Variants in SLC17A8 observed in about 807,000 individuals in gnomAD.
SLC17A8 encodes vesicular glutamate transporter 3.
SLC17A8 carries 31 observed loss-of-function variants against 58.0 expected under a neutral mutation model. The observed-to-expected ratio is 0.53, with a 90% CI of 0.40 to 0.72. The LOEUF (loss-of-function observed/expected upper bound fraction) is 0.72, where lower values mean the gene tolerates loss of function less well. Among genes scored for constraint, SLC17A8 ranks in the 30% least tolerant of loss-of-function variants. The pLI is 0.00. For missense variants in SLC17A8, 655 were observed against 727.8 expected, an observed-to-expected ratio of 0.90 and a Z score of 1.15; for synonymous variants, 228 against 249.0, an observed-to-expected ratio of 0.92 and a Z score of 0.79.
At position 100,357,162 on chromosome 12, in the gene SLC17A8, C is replaced by G; in HGVS notation, c.-230C>G. The stretch of plus-strand genomic sequence containing the variant: ...GGGACTGAATTCCCAGCCAGACACC[C>G]CTTGGACTCTTTTTTGGAGGGGTGG... On this transcript the variant is annotated 5_prime_UTR_variant, in exon 1 of 12. Transcript: ENST00000323346. 1 of 495,950 alleles carries G rather than the reference C, an allele frequency of 2.0e-6. No homozygotes were observed. Among genetic ancestry groups the G allele is most frequent in the African/African-American group, 1.9e-5 (1 of 51,290 alleles). 30.7% of individuals were successfully genotyped at this position (495,950 alleles called of 1,614,324 possible).
intron 1 of SLC17A8, among the ~76,000 whole-genome samples, chr12:100,377,778 G>A (rs955451928): frequency 4.0e-5 from 6 of 151,762 alleles, no homozygotes; most frequent in African/African-American, 1.5e-4. Flanking sequence ...TAGTAGAGAC[G>A]GAGTTTGCCA....
At chr12:100,413,363 A>G (rs1952884080) in intron 10 of SLC17A8, among the ~76,000 whole-genome samples, 1 of 152,192 alleles carries the variant, frequency 6.6e-6, no homozygotes, top group South Asian at 2.1e-4. Flanking sequence ...CAAACAAGAA[A>G]ATGCGGGTCC....
intron 10 of SLC17A8, among the ~76,000 whole-genome samples, chr12:100,414,101 T>C (rs992387139): frequency 6.6e-6 from 1 of 152,246 alleles, no homozygotes; most frequent in Non-Finnish European, 1.5e-5. Flanking sequence ...TACTGGGTTT[T>C]TCACTATTTT....
At position 100,391,042 on chromosome 12, in the gene SLC17A8, C is replaced by G; in HGVS notation, c.396C>G (p.Ile132Met). The change falls in exon 3 of 12, where the codon ATC (isoleucine) becomes ATG (methionine). Residue 132 changes from isoleucine (I) to methionine (M), a missense_variant. By Grantham distance (10) the Ile-to-Met change is conservative. Coordinates refer to ENST00000323346, the MANE Select transcript of SLC17A8 (RefSeq NM_139319.3). ...FNWDPETVGL[I>M]HGSFFWGYIM... ...GGGATCCAGAAACAGTGGGCCTTAT[C>G]CATGGATCTTTTTTCTGGGGCTATA... is the stretch of plus-strand genomic sequence containing the variant. 1 of 1,613,854 alleles carries G rather than the reference C, an allele frequency of 6.2e-7. No individual in the cohort carries two copies. Among genetic ancestry groups the G allele is most frequent in the South Asian group, 1.1e-5 (1 of 91,084 alleles).
At chr12:100,401,217 T>C (rs1421171511) in intron 5 of SLC17A8, among the ~76,000 whole-genome samples, 1 of 151,968 alleles carries the variant, frequency 6.6e-6, no homozygotes, top group Non-Finnish European at 1.5e-5. Flanking sequence ...CAGGCTGGTC[T>C]TGAACTCCTG....
chr12:100,358,855 C>A (rs927216471), intron 1 of SLC17A8, among the ~76,000 whole-genome samples: 9 of 152,118 alleles, frequency 5.9e-5, no homozygotes, highest in Non-Finnish European at 7.4e-5. Flanking sequence ...AGAATAAAAA[C>A]CATAGGCCGG....
chr12:100,367,688 C>G (rs1213314015), intron 1 of SLC17A8, among the ~76,000 whole-genome samples: 3 of 152,042 alleles, frequency 2.0e-5, no homozygotes, highest in African/African-American at 7.2e-5. Flanking sequence ...GTAGCTGAGA[C>G]TACAGTTGCG....
chr12:100,419,925 A>G lies in SLC17A8; in HGVS notation c.1536A>G (p.Pro512=), dbSNP rs1283217336. The change falls in exon 12 of 12, where the codon CCA becomes CCG. Residue 512 remains proline, a synonymous_variant. Transcript: ENST00000323346. ...GGGAGAAACAGGAGTGGGCTGACCC[A>G]GAGAATCTCTCTGAGGAGAAATGTG... The part of the protein sequence containing the change: ...ASGEKQEWAD[P]ENLSEEKCGI... The G allele has an allele frequency of 6.2e-7, 1 of 1,614,060 alleles. No individual in the cohort carries two copies. The highest frequency in any genetic ancestry group is 8.5e-7 in the Non-Finnish European group (1 of 1,180,056).
At chr12:100,387,407 A>C (rs1038698405) in intron 2 of SLC17A8, among the ~76,000 whole-genome samples, 2 of 152,186 alleles carry the variant, frequency 1.3e-5, no homozygotes, top group African/African-American at 4.8e-5. Flanking sequence ...TCTTTGGAGA[A>C]ATGTCTATTC....
At chr12:100,367,438 T>C (rs1952527269) in intron 1 of SLC17A8, among the ~76,000 whole-genome samples, 1 of 152,170 alleles carries the variant, frequency 6.6e-6, no homozygotes, top group African/African-American at 2.4e-5. Context: ...GTAAATTAGG[T>C]TTATATAACA....
chr12:100,412,741 T>C (rs1187401235), intron 9 of SLC17A8, 29 bp from the exon 10 acceptor site: 3 of 1,479,158 alleles, frequency 2.0e-6, no homozygotes, highest in Non-Finnish European at 2.8e-6. Flanking sequence ...GAAAATGACA[T>C]TTTTTTCCCT....
At chr12:100,405,934 C>T (rs1031403033) in intron 9 of SLC17A8, among the ~76,000 whole-genome samples, 5 of 152,082 alleles carry the variant, frequency 3.3e-5, no homozygotes, top group Non-Finnish European at 5.9e-5. Context: ...ACCACTTGAG[C>T]TCAGGAGTTC....
At chr12:100,366,219 G>C (rs1592986976) in intron 1 of SLC17A8, among the ~76,000 whole-genome samples, 3 of 152,250 alleles carry the variant, frequency 2.0e-5, no homozygotes, top group South Asian at 2.1e-4. Flanking sequence ...AGGGATGACA[G>C]TTTTAAGGAC....
At chr12:100,407,858 G>A (rs758228716) in intron 9 of SLC17A8, among the ~76,000 whole-genome samples, 47 of 152,054 alleles carry the variant, frequency 3.1e-4, no homozygotes, top group Non-Finnish European at 5.7e-4. Context: ...CACCCACCTC[G>A]GCCTCCCAAA....
At chr12:100,400,328 AGT>A (rs891716893) in intron 5 of SLC17A8, among the ~76,000 whole-genome samples, 1 of 151,926 alleles carries the variant, frequency 6.6e-6, no homozygotes, top group Non-Finnish European at 1.5e-5. Flanking sequence ...TTGTTTTTTG[AGT>A]GTGTTGTCAT....
chr12:100,370,978 G>A (rs1246239965), intron 1 of SLC17A8, among the ~76,000 whole-genome samples: 6 of 152,206 alleles, frequency 3.9e-5, no homozygotes, highest in East Asian at 3.9e-4. Flanking sequence ...AAAAATGAGA[G>A]ACATAGATAC....
chr12:100,414,292 G>A (rs2136015874), intron 10 of SLC17A8, among the ~76,000 whole-genome samples: 1 of 152,276 alleles, frequency 6.6e-6, no homozygotes, highest in Admixed American at 6.5e-5. Flanking sequence ...GGTCTAAACT[G>A]CCCTAAGACA....
In SLC17A8 at chr12:100,380,259, C is replaced by G. The variant is rs183703745; in HGVS notation, c.102-442C>G. Among the ~76,000 whole-genome samples, 610 of 150,418 alleles carry G rather than the reference C, an allele frequency of 4.1e-3. 7 individuals carry two copies. The highest frequency in any genetic ancestry group is 7.4e-3 in the Non-Finnish European group (505 of 67,808). On this transcript the variant is annotated intron_variant, in intron 1 of 11. Transcript: ENST00000323346. ...TTAAGGTCAACTGTATCAGCTGGGT[C>G]GAGCAATGTGAACAAAGTCTGTCAA... is the stretch of plus-strand genomic sequence containing the variant.
At chr12:100,419,685 C>G in intron 11 of SLC17A8, 130 bp from the exon 12 acceptor site, 2 of 832,804 alleles carry the variant, frequency 2.4e-6, no homozygotes, top group Non-Finnish European at 3.8e-6. Flanking sequence ...CACGTCCTCC[C>G]GCCCAAGGAG....
Sources: gnomAD v4.1 joint callset for allele counts (sites outside exome capture counted in the v4.1 genomes callset) on GRCh38, gnomAD v4.1.1 for gene constraint, MANE v1.5 for transcripts, NCBI Gene and HGNC (gene_info 2026-07-23, HGNC 2026-07-21) for gene names.